Variants in SETBP1 observed in about 807,000 individuals in gnomAD.
SETBP1 encodes the protein SET-binding protein.
Under a neutral mutation model 101.0 loss-of-function variants are expected in SETBP1, and 9 were observed. The ratio of observed to expected loss-of-function variants is 0.09; its 90% CI spans 0.05 to 0.16. The LOEUF is 0.16. Ranked by LOEUF, SETBP1 falls within the 10% of genes least tolerant of loss-of-function variation. The pLI is 1.00. For synonymous variants in SETBP1, 818 were observed against 788.5 expected (o/e 1.04, Z -0.63); for missense variants, 1,858 against 2,033.8 (o/e 0.91, Z 1.66).
chr18:44,984,848 T>G (rs1241577915), intron 4 of SETBP1, among the ~76,000 whole-genome samples: 1 of 152,148 alleles, frequency 6.6e-6, no homozygotes, highest in African/African-American at 2.4e-5. Flanking sequence ...AATTCAAAGT[T>G]TACATGCTTA....
chr18:44,990,104 T>C (rs981284467), intron 4 of SETBP1, among the ~76,000 whole-genome samples: 2 of 151,914 alleles, frequency 1.3e-5, no homozygotes, highest in African/African-American at 4.8e-5. Context: ...AGCAATATCA[T>C]CTTTCAAACG....
chr18:44,749,339 A>G (rs2070331651), intron 2 of SETBP1, among the ~76,000 whole-genome samples: 1 of 152,164 alleles, frequency 6.6e-6, no homozygotes. Flanking sequence ...GTGGAACCAG[A>G]GTGTGCCTCC....
chr18:45,036,987 G>T (rs922674336), intron 4 of SETBP1, among the ~76,000 whole-genome samples: 1 of 152,182 alleles, frequency 6.6e-6, no homozygotes, highest in African/African-American at 2.4e-5. Context: ...CCCTTCATCT[G>T]TAAAATTGAG....
chr18:44,745,377 G>A (rs2070214469), intron 2 of SETBP1, among the ~76,000 whole-genome samples: 1 of 152,090 alleles, frequency 6.6e-6, no homozygotes, highest in African/African-American at 2.4e-5. Context: ...CGGGGCTAGG[G>A]GCTGATGACC....
intron 3 of SETBP1, among the ~76,000 whole-genome samples, chr18:44,946,899 T>C (rs2071219984): frequency 6.6e-6 from 1 of 152,206 alleles, no homozygotes; most frequent in Admixed American, 6.5e-5. Flanking sequence ...ATACAGAGAA[T>C]AAGAAATTAG....
chr18:44,696,132 G>A lies in SETBP1; in HGVS notation c.-172-5043G>A, dbSNP rs2069014287. Among the ~76,000 whole-genome samples, 5 of 152,322 alleles carry A rather than the reference G, an allele frequency of 3.3e-5. No individual in the cohort carries two copies. In the Middle Eastern group the frequency reaches 0.01, roughly 311 times the overall value. ...GTTGCTTTGTTCACTTGTTAATTCA[G>A]CCATCCAGCATTTCTTGAGTGTTGA... On this transcript the variant is annotated intron_variant, in intron 1 of 5. Coordinates refer to ENST00000649279, the MANE Select transcript of SETBP1 (RefSeq NM_015559.3).
intron 3 of SETBP1, among the ~76,000 whole-genome samples, chr18:44,877,708 G>C (rs980216375): frequency 2.0e-5 from 3 of 151,918 alleles, no homozygotes; most frequent in South Asian, 2.1e-4. Context: ...GAAATCAACA[G>C]TTTCCTCCCA....
At chr18:45,045,750 C>G (rs1290561211) in intron 5 of SETBP1, among the ~76,000 whole-genome samples, 1 of 152,036 alleles carries the variant, frequency 6.6e-6, no homozygotes, top group Admixed American at 6.6e-5. Flanking sequence ...GACCTAGTGT[C>G]AAGGATCGTG....
rs2071349159 is a variant in SETBP1 at position 44,951,500 on chromosome 18, C to G, written c.2160C>G (p.Thr720=). The G allele has an allele frequency of 6.2e-7, 1 of 1,613,956 alleles. No homozygotes were observed. Among genetic ancestry groups the G allele is most frequent in the East Asian group, 2.2e-5 (1 of 44,866 alleles). ...GKQINVSKRG[T]IYIGKKRGRK... The stretch of plus-strand genomic sequence containing the variant: ...AGATTAATGTCAGCAAGAGGGGAAC[C>G]ATCTACATTGGCAAGAAGCGGGGCA... Residue 720 remains threonine (T), a synonymous_variant, in exon 4 of 6, where the codon ACC becomes ACG. Transcript: ENST00000649279. The surrounding 1 kb of genome is among the most constrained non-coding windows in gnomAD (Gnocchi z 7.8).
intron 2 of SETBP1, among the ~76,000 whole-genome samples, chr18:44,841,633 AATTG>A (rs1381582149): frequency 2.0e-5 from 3 of 152,320 alleles, no homozygotes; most frequent in African/African-American, 7.2e-5. Context: ...TCTCATAATT[AATTG>A]ATTGACTCTC....
chr18:44,941,977 C>A (rs1344093529), intron 3 of SETBP1, among the ~76,000 whole-genome samples: 5 of 152,052 alleles, frequency 3.3e-5, no homozygotes, highest in African/African-American at 1.2e-4. Flanking sequence ...TGCTTCTTTG[C>A]CTGTCTAGTA....
In SETBP1 at chr18:44,899,334, A is replaced by G. The variant is rs544848925; in HGVS notation, c.540+30051A>G. On this transcript the variant is annotated intron_variant, in intron 3 of 5. Transcript: ENST00000649279. The stretch of plus-strand genomic sequence containing the variant: ...TCCAGACACCAAACTTTTTTGGGGA[A>G]TAGAGAGAGGCATTCCTCCCCAAAG... Among the ~76,000 whole-genome samples the G allele has an allele frequency of 5.6e-4, 85 of 152,326 alleles. No homozygotes were observed. The South Asian group carries it at 6.0e-3, about 11-fold the overall frequency.
At chr18:44,986,938 A>AGTATAGTATT (rs1442030350) in intron 4 of SETBP1, 31 of 31,924 alleles carry the variant, frequency 9.7e-4, no homozygotes, top group Non-Finnish European at 2.7e-3. Context: ...AGTATAGTAT[A>AGTATAGTATT]GTATTGTATT....
intron 4 of SETBP1, among the ~76,000 whole-genome samples, chr18:44,971,597 G>C (rs1383487245): frequency 6.6e-6 from 1 of 152,142 alleles, no homozygotes; most frequent in Non-Finnish European, 1.5e-5. Context: ...ATCTCACTGT[G>C]GTTTTGATTT....
intron 2 of SETBP1, among the ~76,000 whole-genome samples, chr18:44,800,493 C>A (rs538652198): frequency 5.2e-4 from 79 of 152,278 alleles, no homozygotes; most frequent in Non-Finnish European, 4.0e-4. Context: ...TAAACAGTTT[C>A]AAAATGGCAA....
intron 5 of SETBP1, among the ~76,000 whole-genome samples, chr18:45,056,320 C>G (rs1421219658): frequency 6.6e-6 from 1 of 152,126 alleles, no homozygotes; most frequent in Non-Finnish European, 1.5e-5. Flanking sequence ...ATATGGGACA[C>G]TGACAGCACC....
At chr18:44,748,970 C>G (rs1329437657) in intron 2 of SETBP1, among the ~76,000 whole-genome samples, 1 of 152,180 alleles carries the variant, frequency 6.6e-6, no homozygotes, top group Non-Finnish European at 1.5e-5. Flanking sequence ...ATCATTTCTA[C>G]TCTGTTGTAA....
rs562513122 is a variant in SETBP1, at chr18:44,931,979, A to G, written c.541-17902A>G. Among the ~76,000 whole-genome samples, 325 of 152,300 alleles carry G rather than the reference A, an allele frequency of 2.1e-3. 3 individuals are homozygous for G. The highest frequency in any genetic ancestry group is 3.4e-3 in the Middle Eastern group (1 of 294). On this transcript the variant is annotated intron_variant, in intron 3 of 5. Transcript: ENST00000649279. ...TGTTATGTGTGAATTTGATCCCGTCATTATGATGTTAGCTGCTTATTTTGC... is the reference window on the plus strand; with the variant it reads ...TGTTATGTGTGAATTTGATCCCGTCGTTATGATGTTAGCTGCTTATTTTGC...
chr18:44,999,825 C>T (rs1488035542), intron 4 of SETBP1, among the ~76,000 whole-genome samples: 1 of 152,134 alleles, frequency 6.6e-6, no homozygotes, highest in Non-Finnish European at 1.5e-5. Flanking sequence ...GGATAATTGA[C>T]AATGAAACTA....
Sources: allele counts gnomAD v4.1 joint callset (sites outside exome capture counted in the v4.1 genomes callset), GRCh38; gene constraint gnomAD v4.1.1; non-coding constraint Gnocchi (gnomAD v3.1); transcripts MANE v1.5; gene names NCBI Gene and HGNC (gene_info 2026-07-23, HGNC 2026-07-21).